Variants in ARHGEF10 observed in about 807,000 individuals in gnomAD.
The protein encoded by ARHGEF10 is Rho guanine nucleotide exchange factor 10.
In ARHGEF10, 140 loss-of-function variants were observed where a neutral mutation model predicts 147.4. The observed-to-expected ratio is 0.95, with a 90% confidence interval of 0.83 to 1.09. The LOEUF is 1.09. ARHGEF10 is among the 50% of genes least tolerant of loss of function. The probability of loss-of-function intolerance (pLI) is 0.00; values close to 1 mark genes in which losing one functional copy is unlikely to be tolerated. For missense variants in ARHGEF10, 2,222 were observed against 1,752.7 expected, an observed-to-expected ratio of 1.27 and a Z score of -4.78; for synonymous variants, 902 against 695.8, an observed-to-expected ratio of 1.30 and a Z score of -4.67.
Position 1,905,654 on chromosome 8 carries a change from A to C in ARHGEF10, c.1905A>C (p.Lys635Asn). Residue 635 changes from lysine to asparagine, a missense_variant, in exon 17 of 29, where the codon AAA (lysine) becomes AAC (asparagine). Lys to Asn is a moderately conservative substitution (Grantham distance 94). Coordinates refer to ENST00000349830, the MANE Select transcript of ARHGEF10 (RefSeq NM_014629.4). ...ACAACGACAGAGGAGAGATTGTTAA[A>C]ACCAAAGAACGCCGAGTCTTCATGT... ...TVYNDRGEIV[K>N]TKERRVFMLN... 6.2e-7 allele frequency: 1 copy of C among 1,614,224 alleles called. No individual in the cohort carries two copies. The highest frequency in any genetic ancestry group is 8.5e-7 in the Non-Finnish European group (1 of 1,180,042).
chr8:1,864,023 A>G (rs1806371270), intron 4 of ARHGEF10, among the ~76,000 whole-genome samples: 2 of 150,418 alleles, frequency 1.3e-5, no homozygotes, highest in South Asian at 4.2e-4. Context: ...TTTCTTTCTA[A>G]CTCTAGCCTG....
At chr8:1,944,779 G>C (rs903911053) in intron 26 of ARHGEF10, among the ~76,000 whole-genome samples, 5 of 152,214 alleles carry the variant, frequency 3.3e-5, no homozygotes, top group Non-Finnish European at 5.9e-5. Flanking sequence ...TCCAATCCCT[G>C]ATGGGCAAGG....
At chr8:1,936,051 C>A (rs1195587185) in intron 26 of ARHGEF10, among the ~76,000 whole-genome samples, 1 of 152,204 alleles carries the variant, frequency 6.6e-6, no homozygotes, top group Non-Finnish European at 1.5e-5. Flanking sequence ...CTACATACTT[C>A]CCCTCACACC....
chr8:1,850,449 G>A (rs888358513), intron 2 of ARHGEF10, among the ~76,000 whole-genome samples: 1 of 151,192 alleles, frequency 6.6e-6, no homozygotes, highest in African/African-American at 2.4e-5. Flanking sequence ...GCTGAGGAGG[G>A]TGTGGGGCAA....
intron 16 of ARHGEF10, among the ~76,000 whole-genome samples, chr8:1,905,001 C>T (rs1489681779): frequency 6.6e-6 from 1 of 152,124 alleles, no homozygotes; most frequent in African/African-American, 2.4e-5. Flanking sequence ...TGGTGGTGCA[C>T]ACCTGTGGTC....
intron 11 of ARHGEF10, among the ~76,000 whole-genome samples, chr8:1,890,132 AGTGGGGTG>A (rs1809345392): frequency 4.2e-5 from 1 of 23,736 alleles, no homozygotes; most frequent in South Asian, 2.2e-3. Context: ...GAGAAAACGG[AGTGGGGTG>A]AGGGTTTGTG....
intron 2 of ARHGEF10, among the ~76,000 whole-genome samples, chr8:1,844,877 G>A (rs994761315): frequency 7.9e-5 from 12 of 151,986 alleles, no homozygotes; most frequent in African/African-American, 2.9e-4. Flanking sequence ...GACCAGCCTG[G>A]GCAACGTAGT....
intron 17 of ARHGEF10, among the ~76,000 whole-genome samples, chr8:1,906,725 T>G (rs1810923815): frequency 6.6e-6 from 1 of 152,208 alleles, no homozygotes; most frequent in Non-Finnish European, 1.5e-5. Flanking sequence ...GCAATAGGGT[T>G]GATCATAAAA....
chr8:1,906,935 T>C (rs1356084053), intron 17 of ARHGEF10, among the ~76,000 whole-genome samples: 1 of 152,218 alleles, frequency 6.6e-6, no homozygotes, highest in Non-Finnish European at 1.5e-5. Flanking sequence ...CACTCCTTCT[T>C]GTAAGAGAAA....
chr8:1,862,734 T>G (rs1451363182), intron 4 of ARHGEF10, among the ~76,000 whole-genome samples: 1 of 152,078 alleles, frequency 6.6e-6, no homozygotes, highest in East Asian at 1.9e-4. Flanking sequence ...AAGTAAAAGC[T>G]TTGTGGCTCT....
intron 2 of ARHGEF10, among the ~76,000 whole-genome samples, chr8:1,855,090 C>G (rs1234048421): frequency 1.4e-5 from 2 of 146,474 alleles, no homozygotes; most frequent in Non-Finnish European, 3.0e-5. Context: ...AAGAGAATTC[C>G]TTCTTCCTGT....
At chr8:1,902,729 G>T (rs1392093894) in intron 15 of ARHGEF10, among the ~76,000 whole-genome samples, 1 of 152,142 alleles carries the variant, frequency 6.6e-6, no homozygotes, top group African/African-American at 2.4e-5. Context: ...CGGTGGGTTC[G>T]GATGAACGTT....
intron 11 of ARHGEF10, among the ~76,000 whole-genome samples, chr8:1,892,990 G>A (rs543839747): frequency 6.7e-6 from 1 of 148,222 alleles, no homozygotes; most frequent in South Asian, 2.1e-4. Context: ...AAACATGTCA[G>A]ATTGTAGAGA....
chr8:1,928,693 C>A (rs1165217304), intron 24 of ARHGEF10, 43 bp downstream of exon 24: 2 of 1,601,556 alleles, frequency 1.2e-6, no homozygotes, highest in Non-Finnish European at 1.7e-6. Context: ...GCAAGCTCTG[C>A]CCATGGAGGG....
Position 1,944,176 on chromosome 8 carries a change from G to A in ARHGEF10, c.3223-1305G>A, listed in dbSNP as rs1418571388. On this transcript the variant is annotated intron_variant, in intron 26 of 28. Transcript: ENST00000349830. The stretch of plus-strand genomic sequence containing the variant: ...GCCTCCCTCGGGATCCCAGCTTCCC[G>A]CACCGTGCTACCTCCCTGGGGACCC... Among the ~76,000 whole-genome samples, 13 of 149,646 alleles carry A rather than the reference G, an allele frequency of 8.7e-5. No individual in the cohort carries two copies. The East Asian group carries it at 2.4e-3, about 27-fold the overall frequency.
intron 7 of ARHGEF10, 73 bp downstream of exon 7, chr8:1,869,323 AT>A: frequency 7.6e-7 from 1 of 1,316,512 alleles, no homozygotes; most frequent in Non-Finnish European, 1.1e-6. Flanking sequence ...CAAAGTGACT[AT>A]TTAGTGGACG....
chr8:1,876,856 T>A (rs1461400346), intron 8 of ARHGEF10, 122 bp downstream of exon 8: 4 of 1,133,798 alleles, frequency 3.5e-6, no homozygotes, highest in Non-Finnish European at 5.3e-6. Context: ...GATAAGTAGT[T>A]TGGGGAAAGC....
rs779892484 is a variant in ARHGEF10 at position 1,937,893 on chromosome 8, G to A, written c.3222+3951G>A. On this transcript the variant is annotated intron_variant, in intron 26 of 28. Coordinates refer to ENST00000349830, the MANE Select transcript of ARHGEF10 (RefSeq NM_014629.4). This position sits in a 1 kb window ranked among gnomAD's most constrained non-coding sequence, Gnocchi z 4.9. ...GCACCTGAGGCTCTGAGGCTTCGGT[G>A]TTCCTGGAGTGACTGTGCCAGTGGA... 6.6e-6 allele frequency among the ~76,000 whole-genome samples: 1 copy of A among 152,254 alleles called. No homozygotes were observed. The highest frequency in any genetic ancestry group is 1.5e-5 in the Non-Finnish European group (1 of 68,050).
chr8:1,865,700 C>T (rs1400888219), intron 5 of ARHGEF10, among the ~76,000 whole-genome samples: 1 of 145,170 alleles, frequency 6.9e-6, no homozygotes, highest in Non-Finnish European at 1.5e-5. Context: ...TCGTGGGGTG[C>T]TCTGCACGGA....
Sources: allele counts gnomAD v4.1 joint callset (sites outside exome capture counted in the v4.1 genomes callset), GRCh38; gene constraint gnomAD v4.1.1; non-coding constraint Gnocchi (gnomAD v3.1); transcripts MANE v1.5; gene names NCBI Gene and HGNC (gene_info 2026-07-23, HGNC 2026-07-21).